The following EFR3A variants were observed in gnomAD, a reference collection of about 807,000 sequenced individuals.
EFR3A encodes the protein protein EFR3 homolog A.
A neutral mutation model predicts 104.4 loss-of-function variants in EFR3A; 76 were observed. The ratio of observed to expected loss-of-function variants is 0.73; its 90% CI spans 0.60 to 0.88. The LOEUF is 0.88. EFR3A is among the 40% of genes least tolerant of loss of function. EFR3A has a pLI of 0.00. For missense variants in EFR3A, 985 were observed against 1,012.5 expected, an observed-to-expected ratio of 0.97 and a Z score of 0.37; for synonymous variants, 330 against 330.0, an observed-to-expected ratio of 1.00 and a Z score of 0.00.
chr8:131,942,362 C>T (rs1002865846), intron 2 of EFR3A, among the ~76,000 whole-genome samples: 3 of 152,052 alleles, frequency 2.0e-5, no homozygotes, highest in African/African-American at 4.8e-5. Flanking sequence ...TGTCCATAAT[C>T]GGTCAGACAG....
At chr8:131,986,673 T>C (rs997393487) in intron 17 of EFR3A, among the ~76,000 whole-genome samples, 1 of 151,298 alleles carries the variant, frequency 6.6e-6, no homozygotes, top group Admixed American at 6.6e-5. Flanking sequence ...TAGTCCCAGC[T>C]ACTCAGGAGG....
At chr8:131,984,814 A>G (rs1409579535) in intron 15 of EFR3A, 115 bp from the exon 16 acceptor site, 3 of 921,954 alleles carry the variant, frequency 3.3e-6, no homozygotes, top group African/African-American at 3.4e-5. Context: ...AACTTCTGAT[A>G]AAGTGGCATT....
At chr8:131,931,751 C>T (rs1254405265) in intron 1 of EFR3A, among the ~76,000 whole-genome samples, 1 of 152,012 alleles carries the variant, frequency 6.6e-6, no homozygotes. Context: ...AAAAAACCAG[C>T]TAACATCTTA....
At chr8:131,965,317 T>C (rs1819639349) in intron 8 of EFR3A, among the ~76,000 whole-genome samples, 1 of 152,104 alleles carries the variant, frequency 6.6e-6, no homozygotes, top group South Asian at 2.1e-4. Context: ...AATCTACTCA[T>C]CTGACGAAGG....
Position 131,942,739 on chromosome 8 carries a change from T to C in EFR3A, c.88-2006T>C, listed in dbSNP as rs527377174. On this transcript the variant is annotated intron_variant, in intron 2 of 22. Coordinates refer to ENST00000254624, the MANE Select transcript of EFR3A (RefSeq NM_015137.6). ...TGGAACATCTCACCCAAACTTGGAG[T>C]GGGGGCTGTTGGGAGGGTGCAACAC... Among the ~76,000 whole-genome samples the C allele has an allele frequency of 1.8e-3, 279 of 151,694 alleles. 2 individuals are homozygous for C. The highest frequency in any genetic ancestry group is 6.5e-3 in the African/African-American group (271 of 41,376).
At position 132,002,632 on chromosome 8, in the gene EFR3A, G is replaced by GAAAAGAGGC. The variant is rs776204818; in HGVS notation, c.2237_2245dup (p.Arg748_Arg749insGlnLysArg). On this transcript the variant is annotated inframe_insertion, in exon 21 of 23. Coordinates refer to ENST00000254624, the MANE Select transcript of EFR3A (RefSeq NM_015137.6). Reference sequence around the variant, plus strand: ...CAGTGGAATGGAAGAACAGGAAAAGGAAAAGAGGCGTCTTGTGATAGAGAA... The same window carrying GAAAAGAGGC: ...CAGTGGAATGGAAGAACAGGAAAAGGAAAAGAGGCAAAAGAGGCGTCTTGTGATAGAGAA... 6.2e-7 allele frequency: 1 copy of GAAAAGAGGC among 1,613,714 alleles called. No homozygotes were observed. Among genetic ancestry groups the GAAAAGAGGC allele is most frequent in the Admixed American group, 1.7e-5 (1 of 60,006 alleles).
intron 9 of EFR3A, 112 bp from the exon 10 acceptor site, chr8:131,970,364 A>G: frequency 2.0e-6 from 2 of 983,720 alleles, no homozygotes; most frequent in Non-Finnish European, 1.5e-6. Flanking sequence ...ATTACTATGG[A>G]TTTCTGACTA....
At chr8:131,913,827 G>A (rs1422537215) in intron 1 of EFR3A, among the ~76,000 whole-genome samples, 1 of 152,136 alleles carries the variant, frequency 6.6e-6, no homozygotes, top group Admixed American at 6.5e-5. Flanking sequence ...GTCCAAGGTT[G>A]GCGTTGTCAT....
At chr8:131,906,140 G>A (rs1468773277) in intron 1 of EFR3A, among the ~76,000 whole-genome samples, 2 of 152,156 alleles carry the variant, frequency 1.3e-5, no homozygotes, top group African/African-American at 4.8e-5. Context: ...GAGGTGAATA[G>A]TGTTCATATT....
rs1434531892 is a variant in EFR3A at position 131,968,381 on chromosome 8, T to C, written c.942T>C (p.Ile314=). The C allele has an allele frequency of 3.1e-6, 5 of 1,613,680 alleles. No homozygotes were observed. In the East Asian group the frequency reaches 6.7e-5, roughly 22 times the overall value. Reference sequence around the variant, plus strand: ...ATGCTCCCCGGGTTCGAGCAGGTATTATTCAGGTTCTGTTAGAGGCTGTTG... The same window carrying C: ...ATGCTCCCCGGGTTCGAGCAGGTATCATTCAGGTTCTGTTAGAGGCTGTTG... ...KKDAPRVRAG[I]IQVLLEAVAI... is the part of the protein sequence containing the mutation. Residue 314 remains isoleucine (I), a synonymous_variant, in exon 9 of 23, where the codon ATT becomes ATC. Coordinates refer to ENST00000254624, the MANE Select transcript of EFR3A (RefSeq NM_015137.6).
At chr8:131,985,725 A>G (rs1820838784) in intron 16 of EFR3A, among the ~76,000 whole-genome samples, 1 of 152,224 alleles carries the variant, frequency 6.6e-6, no homozygotes. Flanking sequence ...TTTGATGCCC[A>G]CCACTAGAGA....
intron 22 of EFR3A, among the ~76,000 whole-genome samples, chr8:132,005,288 C>T (rs1821976493): frequency 6.6e-6 from 1 of 152,092 alleles, no homozygotes; most frequent in Non-Finnish European, 1.5e-5. Flanking sequence ...GGTACATTTT[C>T]TCTTGTTAAT....
At chr8:132,010,439 T>TATATATATATATATAGG (rs1563716523) in intron 22 of EFR3A, among the ~76,000 whole-genome samples, 2 of 126,720 alleles carry the variant, frequency 1.6e-5, no homozygotes, top group African/African-American at 6.0e-5. Context: ...TATATATATA[T>TATATATATATATATAGG]ATATATATAT....
intron 11 of EFR3A, 145 bp from the exon 12 acceptor site, chr8:131,976,896 C>T (rs1820350989): frequency 4.0e-6 from 2 of 502,974 alleles, no homozygotes; most frequent in Admixed American, 4.1e-5. Context: ...TTTACTTTGG[C>T]ATGTGAAGTG....
intron 10 of EFR3A, among the ~76,000 whole-genome samples, 167 bp downstream of exon 10, chr8:131,970,810 A>G (rs1196796567): frequency 6.6e-6 from 1 of 152,242 alleles, no homozygotes; most frequent in East Asian, 1.9e-4. Flanking sequence ...AACAAAGAAC[A>G]CTATGTTGTT....
chr8:131,904,320 C>T lies in EFR3A; in HGVS notation c.8C>T (p.Thr3Ile). Residue 3 changes from threonine (T) to isoleucine (I), a missense_variant and splice_region_variant, in exon 1 of 23, where the codon ACC (threonine) becomes ATC (isoleucine). Thr to Ile is a moderately conservative substitution (Grantham distance 89). Transcript: ENST00000254624. The stretch of plus-strand genomic sequence containing the variant: ...AGCGCGGTCGAGATCGCCATGCCTA[C>T]CCGTGAGTGGCCGGCCGAGGGCCGG... MP[T>I]RVCCCCSALR... 6.4e-6 allele frequency: 8 copies of T among 1,257,458 alleles called. No individual in the cohort carries two copies. The highest frequency in any genetic ancestry group is 7.0e-6 in the Non-Finnish European group (7 of 1,000,276). 77.9% of individuals were successfully genotyped at this position (1,257,458 alleles called of 1,614,324 possible).
intron 3 of EFR3A, among the ~76,000 whole-genome samples, chr8:131,945,473 A>T (rs897263533): frequency 6.6e-6 from 1 of 151,974 alleles, no homozygotes; most frequent in Non-Finnish European, 1.5e-5. Flanking sequence ...TCATTTTATG[A>T]TCCAAGTTTA....
intron 7 of EFR3A, among the ~76,000 whole-genome samples, chr8:131,956,759 T>C (rs1285719072): frequency 6.6e-6 from 1 of 152,166 alleles, no homozygotes; most frequent in Admixed American, 6.5e-5. Context: ...AGAGAATCAT[T>C]AGATTTTCAA....
intron 1 of EFR3A, among the ~76,000 whole-genome samples, chr8:131,927,960 T>C (rs1256240915): frequency 6.6e-6 from 1 of 152,200 alleles, no homozygotes; most frequent in East Asian, 1.9e-4. Context: ...CTGTTCATCA[T>C]GATTTTGCAA....
Sources: allele counts gnomAD v4.1 joint callset (sites outside exome capture counted in the v4.1 genomes callset), GRCh38; gene constraint gnomAD v4.1.1; transcripts MANE v1.5; gene names NCBI Gene and HGNC (gene_info 2026-07-23, HGNC 2026-07-21).